Variants in FAM171A1 observed in about 807,000 individuals in gnomAD.
The protein encoded by FAM171A1 is family with sequence similarity 171 member A1, also known as protein FAM171A1.
Under a neutral mutation model 74.9 loss-of-function variants are expected in FAM171A1, and 23 were observed. The ratio of observed to expected loss-of-function variants is 0.31; its 90% CI spans 0.22 to 0.44. FAM171A1 has a LOEUF of 0.44. Among genes scored for constraint, FAM171A1 ranks in the 20% least tolerant of loss-of-function variants. The pLI is 1.00. For missense variants in FAM171A1, 1,162 were observed against 1,159.2 expected (o/e 1.00, Z -0.03); for synonymous variants, 527 against 505.7 (o/e 1.04, Z -0.57).
chr10:15,240,849 G>T (rs1834355214), intron 5 of FAM171A1: 2 of 424,526 alleles, frequency 4.7e-6, no homozygotes, highest in Non-Finnish European at 6.3e-6. Context: ...AGACCAGTCT[G>T]GGCAACACAG....
At chr10:15,269,891 A>G (rs1388762439) in intron 3 of FAM171A1, among the ~76,000 whole-genome samples, 1 of 152,230 alleles carries the variant, frequency 6.6e-6, no homozygotes, top group Non-Finnish European at 1.5e-5. Flanking sequence ...ATTCACTGCT[A>G]TCACCATCCA....
chr10:15,293,027 T>C (rs1835120889), intron 1 of FAM171A1, among the ~76,000 whole-genome samples: 1 of 152,214 alleles, frequency 6.6e-6, no homozygotes, highest in Non-Finnish European at 1.5e-5. Flanking sequence ...TTTTTATGCG[T>C]GACATTGATT....
intron 5 of FAM171A1, among the ~76,000 whole-genome samples, chr10:15,238,764 A>T (rs546681856): frequency 3.9e-5 from 6 of 152,370 alleles, no homozygotes; most frequent in Non-Finnish European, 7.3e-5. Context: ...AGGCTGGTTC[A>T]GTAACCACCA....
At chr10:15,226,579 CTT>C (rs957350631) in intron 5 of FAM171A1, among the ~76,000 whole-genome samples, 8 of 152,140 alleles carry the variant, frequency 5.3e-5, no homozygotes, top group Non-Finnish European at 7.3e-5. Flanking sequence ...TAACCTGACT[CTT>C]TGCCAAAACT....
intron 4 of FAM171A1, among the ~76,000 whole-genome samples, chr10:15,249,633 A>G (rs2131759807): frequency 6.6e-6 from 1 of 152,346 alleles, no homozygotes; most frequent in African/African-American, 2.4e-5. Context: ...GATTGCTTCA[A>G]AAATATTAAC....
chr10:15,329,574 C>T lies in FAM171A1; in HGVS notation c.97+41382G>A, dbSNP rs978806768. On this transcript the variant is annotated intron_variant, in intron 1 of 7. Transcript: ENST00000378116. The stretch of plus-strand genomic sequence containing the variant: ...CCAGGAAGTTGAAGCTGCAGTGAAA[C>T]GTGATCATGCCACTGCACTCCAGCC... Among the ~76,000 whole-genome samples, 4 of 147,630 alleles carry T rather than the reference C, an allele frequency of 2.7e-5. No homozygotes were observed. The South Asian group carries it at 6.3e-4, about 23-fold the overall frequency.
intron 1 of FAM171A1, among the ~76,000 whole-genome samples, chr10:15,328,469 C>A (rs1408901997): frequency 6.6e-6 from 1 of 152,174 alleles, no homozygotes; most frequent in African/African-American, 2.4e-5. Context: ...AAATCAGGAA[C>A]TGAGCTATTT....
intron 1 of FAM171A1, among the ~76,000 whole-genome samples, chr10:15,352,167 A>G (rs1395970389): frequency 6.6e-6 from 1 of 151,964 alleles, no homozygotes; most frequent in Non-Finnish European, 1.5e-5. Flanking sequence ...TGAACCTGGG[A>G]GGTGGAGGTT....
intron 1 of FAM171A1, among the ~76,000 whole-genome samples, chr10:15,326,439 C>T (rs534497683): frequency 6.6e-6 from 1 of 152,180 alleles, no homozygotes; most frequent in East Asian, 1.9e-4. Flanking sequence ...CTCAGCCTCC[C>T]AGGTAGCTGG....
chr10:15,269,267 G>C (rs574140038), intron 3 of FAM171A1, among the ~76,000 whole-genome samples: 1 of 151,760 alleles, frequency 6.6e-6, no homozygotes, highest in Admixed American at 6.6e-5. Context: ...GCGTGCAGTA[G>C]CATACACAGA....
chr10:15,234,416 G>A (rs1234046850), intron 5 of FAM171A1, among the ~76,000 whole-genome samples: 1 of 152,208 alleles, frequency 6.6e-6, no homozygotes, highest in African/African-American at 2.4e-5. Flanking sequence ...AAACGCACAA[G>A]CAAAGCAGCC....
chr10:15,268,262 C>T (rs1338777809), intron 3 of FAM171A1, among the ~76,000 whole-genome samples: 3 of 152,062 alleles, frequency 2.0e-5, no homozygotes, highest in Non-Finnish European at 4.4e-5. Flanking sequence ...TTTGGTCACC[C>T]TCACTTTGTA....
intron 1 of FAM171A1, among the ~76,000 whole-genome samples, chr10:15,335,078 CAA>C (rs1835685018): frequency 6.6e-6 from 1 of 152,064 alleles, no homozygotes; most frequent in Non-Finnish European, 1.5e-5. Flanking sequence ...CCCATCTCTA[CAA>C]AATATACAAA....
intron 2 of FAM171A1, among the ~76,000 whole-genome samples, chr10:15,280,134 CA>C (rs1001477653): frequency 2.6e-5 from 4 of 152,014 alleles, no homozygotes; most frequent in African/African-American, 9.7e-5. Context: ...ACAATGCAGA[CA>C]AACACAGACA....
At chr10:15,327,192 A>C (rs930404330) in intron 1 of FAM171A1, among the ~76,000 whole-genome samples, 5 of 152,096 alleles carry the variant, frequency 3.3e-5, no homozygotes, top group African/African-American at 1.2e-4. Flanking sequence ...TCCCAGCTCT[A>C]CCCATTATCA....
chr10:15,243,030 C>T (rs1030172788), intron 5 of FAM171A1, among the ~76,000 whole-genome samples: 1 of 152,188 alleles, frequency 6.6e-6, no homozygotes, highest in Non-Finnish European at 1.5e-5. Flanking sequence ...CTTTCTTATA[C>T]TCCTGGAGGT....
intron 5 of FAM171A1, among the ~76,000 whole-genome samples, chr10:15,239,568 G>A (rs1199316114): frequency 6.6e-6 from 1 of 152,142 alleles, no homozygotes. Flanking sequence ...CTCCCAAAGT[G>A]CTGGGATTAC....
chr10:15,280,461 C>T (rs759511925), intron 2 of FAM171A1, among the ~76,000 whole-genome samples: 12 of 152,156 alleles, frequency 7.9e-5, no homozygotes, highest in South Asian at 2.1e-4. Flanking sequence ...ATAATTAAGA[C>T]GTAGAATGAC....
At chr10:15,356,989 C>CAA (rs747371768) in intron 1 of FAM171A1, among the ~76,000 whole-genome samples, 43 of 149,820 alleles carry the variant, frequency 2.9e-4, no homozygotes, top group Non-Finnish European at 5.5e-4. Flanking sequence ...AACAAACAAA[C>CAA]AAAAAAAGGC....
Sources: allele counts gnomAD v4.1 joint callset (sites outside exome capture counted in the v4.1 genomes callset), GRCh38; gene constraint gnomAD v4.1.1; transcripts MANE v1.5; gene names NCBI Gene and HGNC (gene_info 2026-07-23, HGNC 2026-07-21).